The following RBM19 variants were observed in gnomAD, a reference collection of about 807,000 sequenced individuals.
RBM19 encodes RNA binding motif protein 19, also known as probable RNA-binding protein 19.
In RBM19, 94 loss-of-function variants were observed where a neutral mutation model predicts 116.8. That is an observed-to-expected ratio of 0.80 (90% CI 0.68 to 0.95). RBM19 has a LOEUF of 0.95. Ranked by LOEUF, RBM19 falls within the 40% of genes least tolerant of loss-of-function variation. The pLI is 0.00. For missense variants in RBM19, 1,161 were observed against 1,220.7 expected, an observed-to-expected ratio of 0.95 and a Z score of 0.73; for synonymous variants, 475 against 494.1, an observed-to-expected ratio of 0.96 and a Z score of 0.51.
intron 20 of RBM19, 110 bp downstream of exon 20, chr12:113,918,282 G>A: frequency 2.9e-6 from 3 of 1,052,262 alleles, no homozygotes; most frequent in South Asian, 2.6e-5. Flanking sequence ...ATGGTAAAGG[G>A]ATAGGTGGAA....
intron 6 of RBM19, among the ~76,000 whole-genome samples, chr12:113,957,428 T>C (rs997690127): frequency 6.6e-6 from 1 of 151,764 alleles, no homozygotes; most frequent in Non-Finnish European, 1.5e-5. Flanking sequence ...ATACAAAAAA[T>C]TAGCTGGGTG....
Position 113,957,747 on chromosome 12 carries a change from C to T in RBM19, c.840+35G>A, listed in dbSNP as rs556719043. On this transcript the variant is annotated intron_variant, in intron 6 of 23. Transcript: ENST00000261741. ...GACCACGGGCAAGCAGGAGAGCGCA[C>T]CTCCTCCCTCATCACCTGCGGGATA... 6.5e-6 allele frequency: 10 copies of T among 1,536,786 alleles called. No individual in the cohort carries two copies. In the African/African-American group the frequency reaches 1.1e-4, roughly 17 times the overall value.
intron 14 of RBM19, among the ~76,000 whole-genome samples, chr12:113,941,705 T>C (rs563663873): frequency 1.3e-5 from 2 of 152,208 alleles, no homozygotes. Flanking sequence ...TCTTCATTCA[T>C]CCATCCTCCT....
intron 16 of RBM19, among the ~76,000 whole-genome samples, chr12:113,928,414 G>GCA (rs1363722576): frequency 2.3e-5 from 1 of 44,008 alleles, no homozygotes; most frequent in Admixed American, 2.8e-4. Flanking sequence ...ACATACATGT[G>GCA]CATACACACA....
At chr12:113,836,211 C>G (rs1372439706) in intron 23 of RBM19, among the ~76,000 whole-genome samples, 1 of 152,012 alleles carries the variant, frequency 6.6e-6, no homozygotes, top group East Asian at 1.9e-4. Flanking sequence ...TCTTGGCCAG[C>G]AAGGAAGGGA....
chr12:113,865,617 T>C (rs1878739148), intron 21 of RBM19, among the ~76,000 whole-genome samples: 1 of 152,230 alleles, frequency 6.6e-6, no homozygotes. Flanking sequence ...GTCCCTATAC[T>C]TCTCATGCAT....
intron 14 of RBM19, among the ~76,000 whole-genome samples, chr12:113,940,681 T>C (rs1002964944): frequency 6.6e-6 from 1 of 152,194 alleles, no homozygotes; most frequent in South Asian, 2.1e-4. Context: ...CAGGGCAGCG[T>C]ACTGCAGCAG....
At chr12:113,908,340 G>C (rs550430537) in intron 21 of RBM19, among the ~76,000 whole-genome samples, 6 of 152,140 alleles carry the variant, frequency 3.9e-5, no homozygotes, top group Admixed American at 1.3e-4. Context: ...TGTGTGTGGG[G>C]AGCATGAGTG....
intron 23 of RBM19, among the ~76,000 whole-genome samples, chr12:113,827,543 G>A (rs1177912184): frequency 6.6e-6 from 1 of 152,102 alleles, no homozygotes; most frequent in African/African-American, 2.4e-5. Context: ...TGCGTCGGGA[G>A]GACAAGAGAA....
chr12:113,889,925 CAG>C (rs1478401522), intron 21 of RBM19, among the ~76,000 whole-genome samples: 11 of 151,962 alleles, frequency 7.2e-5, no homozygotes, highest in Admixed American at 7.2e-4. Context: ...CGTAATCGAT[CAG>C]AGAGCCTCAG....
chr12:113,866,243 A>G (rs916267915), intron 21 of RBM19, among the ~76,000 whole-genome samples: 2 of 152,086 alleles, frequency 1.3e-5, no homozygotes, highest in Non-Finnish European at 2.9e-5. Flanking sequence ...CCTTATCACC[A>G]TCAACGCAAT....
chr12:113,963,090 C>A (rs972130805), intron 1 of RBM19, among the ~76,000 whole-genome samples: 11 of 152,146 alleles, frequency 7.2e-5, no homozygotes, highest in African/African-American at 2.7e-4. Flanking sequence ...TGAAAAAAGG[C>A]AAAGGGACAG....
intron 20 of RBM19, among the ~76,000 whole-genome samples, chr12:113,918,048 C>A (rs530601714): frequency 1.1e-4 from 17 of 152,170 alleles, no homozygotes; most frequent in African/African-American, 4.1e-4. Flanking sequence ...ACAGCACCAG[C>A]AACCTCCAGC....
At chr12:113,858,651 A>C in intron 22 of RBM19, 140 bp downstream of exon 22, 1 of 740,478 alleles carries the variant, frequency 1.4e-6, no homozygotes, top group Non-Finnish European at 2.3e-6. Flanking sequence ...TGTTGTACAC[A>C]TTAAGCAGAA....
intron 6 of RBM19, among the ~76,000 whole-genome samples, chr12:113,955,955 C>T (rs1871902276): frequency 1.3e-5 from 2 of 152,222 alleles, no homozygotes; most frequent in Admixed American, 1.3e-4. Flanking sequence ...CTGAAGATTC[C>T]AGAATTCCAG....
At chr12:113,893,026 A>ATTTTT (rs35688045) in intron 21 of RBM19, among the ~76,000 whole-genome samples, 3 of 141,136 alleles carry the variant, frequency 2.1e-5, no homozygotes, top group Non-Finnish European at 4.6e-5. Context: ...GTAACTATTG[A>ATTTTT]TTTTTTTTTT....
At position 113,871,918 on chromosome 12, in the gene RBM19, C is replaced by T. The variant is rs561240656; in HGVS notation, c.2559-13022G>A. Reference sequence around the variant, plus strand: ...CGCCTGCCTTGGCCTCCCAAAGTGCCGAGATTGCAGCCTCTGCCCGGCTGC... The same window carrying T: ...CGCCTGCCTTGGCCTCCCAAAGTGCTGAGATTGCAGCCTCTGCCCGGCTGC... On this transcript the variant is annotated intron_variant, in intron 21 of 23. Coordinates refer to ENST00000261741, the MANE Select transcript of RBM19 (RefSeq NM_016196.4). Among the ~76,000 whole-genome samples, 649 of 151,934 alleles carry T rather than the reference C, an allele frequency of 4.3e-3. 3 individuals carry two copies. The highest frequency in any genetic ancestry group is 7.0e-3 in the Non-Finnish European group (478 of 67,918).
At chr12:113,845,481 T>C (rs575860474) in intron 22 of RBM19, among the ~76,000 whole-genome samples, 2 of 152,332 alleles carry the variant, frequency 1.3e-5, no homozygotes, top group South Asian at 2.1e-4. Flanking sequence ...ACATACTATA[T>C]ACACTGCTTG....
At chr12:113,951,204 G>A (rs1441810743) in intron 8 of RBM19, among the ~76,000 whole-genome samples, 1 of 152,024 alleles carries the variant, frequency 6.6e-6, no homozygotes, top group Non-Finnish European at 1.5e-5. Flanking sequence ...AAGCTTAAGG[G>A]GCCCAGCCTG....
Sources: gnomAD v4.1 joint callset for allele counts (sites outside exome capture counted in the v4.1 genomes callset) on GRCh38, gnomAD v4.1.1 for gene constraint, MANE v1.5 for transcripts, NCBI Gene and HGNC (gene_info 2026-07-23, HGNC 2026-07-21) for gene names.